Variants in CSMD2 observed in about 807,000 individuals in gnomAD.
CSMD2 encodes CUB and Sushi multiple domains 2.
Under a neutral mutation model 398.5 loss-of-function variants are expected in CSMD2, and 130 were observed. That is an observed-to-expected ratio of 0.33 (90% CI 0.28 to 0.38). The LOEUF (loss-of-function observed/expected upper bound fraction) is 0.38. Among genes scored for constraint, CSMD2 ranks in the 10% least tolerant of loss-of-function variants. CSMD2 has a pLI of 1.00. For synonymous variants in CSMD2, 1,828 were observed against 1,908.5 expected, an observed-to-expected ratio of 0.96 and a Z score of 1.10; for missense variants, 3,829 against 4,764.9, an observed-to-expected ratio of 0.80 and a Z score of 5.78.
At chr1:33,720,520 C>T (rs74484552) in intron 19 of CSMD2, among the ~76,000 whole-genome samples, 3,340 of 152,036 alleles carry the variant, frequency 0.022, 72 homozygotes, top group East Asian at 0.12. Flanking sequence ...CTTGGGGAGA[C>T]GAAGTGTTCC....
At chr1:33,897,702 GA>G (rs982137895) in intron 5 of CSMD2, among the ~76,000 whole-genome samples, 1 of 152,194 alleles carries the variant, frequency 6.6e-6, no homozygotes, top group African/African-American at 2.4e-5. Flanking sequence ...GGGACAAAAT[GA>G]GCTCAATTCA....
In CSMD2 at chr1:33,915,640, T is replaced by C. The variant is rs572711318; in HGVS notation, c.920+2454A>G. Among the ~76,000 whole-genome samples the C allele has an allele frequency of 2.0e-5, 3 of 152,256 alleles. No homozygotes were observed. In the South Asian group the frequency reaches 6.2e-4, roughly 32 times the overall value. On this transcript the variant is annotated intron_variant, in intron 5 of 70. Transcript: ENST00000373381. ...GAGGGCAGAAGCTGTAGGAGACCAT[T>C]TGGCCCATGGATAAACAAGTGAGTC...
intron 6 of CSMD2, among the ~76,000 whole-genome samples, chr1:33,836,284 C>T (rs1045413775): frequency 2.6e-5 from 4 of 152,144 alleles, no homozygotes; most frequent in African/African-American, 7.2e-5. Context: ...CTGGGGGGTG[C>T]CTCCCAGTTA....
At chr1:34,138,031 C>T (rs1197064884) in intron 1 of CSMD2, among the ~76,000 whole-genome samples, 1 of 152,192 alleles carries the variant, frequency 6.6e-6, no homozygotes, top group African/African-American at 2.4e-5. Flanking sequence ...AGCAAGAAAA[C>T]ATCCCATTTT....
chr1:33,646,640 G>T lies in CSMD2; in HGVS notation c.4774+8C>A. 1 of 1,612,850 alleles carries T rather than the reference G, an allele frequency of 6.2e-7. No homozygotes were observed. The highest frequency in any genetic ancestry group is 8.5e-7 in the Non-Finnish European group (1 of 1,179,838). ...GTCCTCAGTACTCTCTGGCACCAGG[G>T]CCCTTACCTGTATAGTCAATGACGA... On this transcript the variant is annotated splice_region_variant and intron_variant, in intron 29 of 70. Transcript: ENST00000373381.
intron 5 of CSMD2, among the ~76,000 whole-genome samples, chr1:33,879,404 A>G (rs72663970): frequency 0.013 from 1,958 of 152,290 alleles, 14 homozygotes; most frequent in Middle Eastern, 0.024. Flanking sequence ...ATGGGCTAGC[A>G]GTTTTGTGAA....
intron 6 of CSMD2, among the ~76,000 whole-genome samples, chr1:33,831,788 A>G (rs1323207296): frequency 6.6e-6 from 1 of 151,830 alleles, no homozygotes. Flanking sequence ...AGAGACACAC[A>G]TAGGCTCAAA....
intron 3 of CSMD2, among the ~76,000 whole-genome samples, chr1:33,977,403 G>A (rs1646006678): frequency 6.6e-6 from 1 of 151,898 alleles, no homozygotes; most frequent in Admixed American, 6.6e-5. Flanking sequence ...AGGACCCTGT[G>A]GGAGCAGGAG....
At chr1:33,713,179 T>C (rs1447359859) in intron 21 of CSMD2, among the ~76,000 whole-genome samples, 1 of 152,132 alleles carries the variant, frequency 6.6e-6, no homozygotes, top group Non-Finnish European at 1.5e-5. Flanking sequence ...ATCTAGGCGT[T>C]GGTAAGTGGC....
chr1:34,021,862 C>T (rs533458486), intron 3 of CSMD2, among the ~76,000 whole-genome samples: 1 of 152,296 alleles, frequency 6.6e-6, no homozygotes, highest in East Asian at 1.9e-4. Context: ...AGCAATTAAG[C>T]AGTTACCATA....
chr1:33,846,831 G>A (rs1310758872), intron 6 of CSMD2, 53 bp downstream of exon 6: 1 of 1,189,776 alleles, frequency 8.4e-7, no homozygotes, highest in Non-Finnish European at 1.2e-6. Context: ...AGCCCTCCAG[G>A]TGTCATCTCT....
chr1:33,842,316 T>G (rs1388408994), intron 6 of CSMD2, among the ~76,000 whole-genome samples: 1 of 152,230 alleles, frequency 6.6e-6, no homozygotes, highest in Admixed American at 6.5e-5. Flanking sequence ...TTCCCCAAGA[T>G]TCTTAACCAT....
At chr1:33,555,215 T>C (rs12045011) in intron 55 of CSMD2, among the ~76,000 whole-genome samples, 24,451 of 151,936 alleles carry the variant, frequency 0.16, 2,457 homozygotes, top group East Asian at 0.35. Flanking sequence ...GTGGAGGAGG[T>C]CACTGCAGAT....
At chr1:33,989,048 A>C (rs1241613017) in intron 3 of CSMD2, among the ~76,000 whole-genome samples, 2 of 54,322 alleles carry the variant, frequency 3.7e-5, no homozygotes, top group African/African-American at 1.1e-4. Context: ...ATATATATAT[A>C]TATATATATA....
chr1:34,110,640 A>G (rs962443132), intron 1 of CSMD2, among the ~76,000 whole-genome samples: 7 of 152,304 alleles, frequency 4.6e-5, no homozygotes, highest in African/African-American at 1.7e-4. Flanking sequence ...CAAATACCAC[A>G]TATTCTTACT....
intron 25 of CSMD2, among the ~76,000 whole-genome samples, chr1:33,682,581 A>G (rs765494835): frequency 1.3e-5 from 2 of 152,218 alleles, no homozygotes; most frequent in Non-Finnish European, 2.9e-5. Context: ...TATTATGGAA[A>G]AGAAAAGGAG....
intron 56 of CSMD2, among the ~76,000 whole-genome samples, chr1:33,548,251 C>T (rs1657097825): frequency 6.6e-6 from 1 of 152,144 alleles, no homozygotes; most frequent in Non-Finnish European, 1.5e-5. Flanking sequence ...GTGTTCAGTC[C>T]TAGGGGCTTT....
At chr1:33,654,959 T>A (rs968564596) in intron 27 of CSMD2, among the ~76,000 whole-genome samples, 1 of 152,250 alleles carries the variant, frequency 6.6e-6, no homozygotes, top group Admixed American at 6.5e-5. Context: ...TGGGCACAGA[T>A]CTCTTCTAGA....
intron 2 of CSMD2, among the ~76,000 whole-genome samples, chr1:34,061,154 C>T (rs1654454319): frequency 6.6e-6 from 1 of 152,180 alleles, no homozygotes; most frequent in Admixed American, 6.6e-5. Flanking sequence ...GGGCTACTGG[C>T]AGGCCACGGT....
Sources: allele counts gnomAD v4.1 joint callset (sites outside exome capture counted in the v4.1 genomes callset), GRCh38; gene constraint gnomAD v4.1.1; transcripts MANE v1.5; gene names NCBI Gene and HGNC (gene_info 2026-07-23, HGNC 2026-07-21).